Variants in OGT observed in about 807,000 individuals in gnomAD.
OGT encodes O-linked N-acetylglucosamine (GlcNAc) transferase.
Under a neutral mutation model 75.8 loss-of-function variants are expected in OGT, and 3 were observed. That is an observed-to-expected ratio of 0.04 (90% confidence interval 0.02 to 0.10). The LOEUF (loss-of-function observed/expected upper bound fraction) is 0.10. OGT is among the 10% of genes least tolerant of loss of function. The pLI is 1.00. For synonymous variants in OGT, 257 were observed against 289.7 expected (o/e 0.89, Z 1.15); for missense variants, 260 against 824.4 (o/e 0.32, Z 8.38).
chrX:71,548,608 G>A (rs543684365), intron 5 of OGT, among the ~76,000 whole-genome samples: 2 of 111,990 alleles, frequency 1.8e-5, no homozygotes, highest in South Asian at 7.4e-4. Context: ...CATGTCCTTT[G>A]CAGCAACATG....
chrX:71,558,614 C>T (rs1313016678), intron 12 of OGT, among the ~76,000 whole-genome samples: 1 of 109,721 alleles, frequency 9.1e-6, no homozygotes, highest in African/African-American at 3.3e-5. Context: ...GCCTCAGCCT[C>T]CCAAAGTGCT....
At position 71,570,531 on chromosome X, in the gene OGT, TTTC is replaced by T. The variant is rs1289034578; in HGVS notation, c.2966+2423_2966+2425del. Among the ~76,000 whole-genome samples, 5 of 111,910 alleles carry T rather than the reference TTTC, an allele frequency of 4.5e-5. No homozygotes were observed. The East Asian group carries it at 8.4e-4, about 19-fold the overall frequency. On this transcript the variant is annotated intron_variant, in intron 21 of 21. Coordinates refer to ENST00000373719, the MANE Select transcript of OGT (RefSeq NM_181672.3). ...AATAAATCTCTGTGTTGTGCCTTGG[TTTC>T]TTCTTCTGCAAAATGGAGCATAATG...
chrX:71,547,818 C>T, intron 4 of OGT, 89 bp from the exon 5 acceptor site: 3 of 1,095,872 alleles, frequency 2.7e-6, no homozygotes, highest in Non-Finnish European at 3.6e-6. Flanking sequence ...TCCCCCCCTC[C>T]CCCCAATCTT....
intron 12 of OGT, among the ~76,000 whole-genome samples, chrX:71,558,305 A>G (rs1312225420): frequency 9.1e-6 from 1 of 109,303 alleles, no homozygotes; most frequent in Non-Finnish European, 1.9e-5. Context: ...TGAGAATTAG[A>G]GCAGTACTTG....
In OGT at chrX:71,533,164, T is replaced by C; in HGVS notation, c.-136T>C. The stretch of plus-strand genomic sequence containing the variant: ...GTTCCCAGGGTTTGAAGCCTGTAAC[T>C]GCTGCCGCCGCTCAAGCCCTCCAGA... On this transcript the variant is annotated 5_prime_UTR_variant, in exon 1 of 22. Coordinates refer to ENST00000373719, the MANE Select transcript of OGT (RefSeq NM_181672.3). 1 of 589,318 alleles carries C rather than the reference T, an allele frequency of 1.7e-6. No homozygotes were observed. The highest frequency in any genetic ancestry group is 2.6e-5 in the South Asian group (1 of 38,234). The allele number at this position is 589,318 out of a possible 1,213,427, so 48.6% of individuals were successfully genotyped here. A position where few individuals can be genotyped will look rare whatever the true frequency, so the allele number is the denominator to read the frequency against.
rs758178228 is a variant in OGT at position 71,563,466 on chromosome X, A to T, written c.2403A>T (p.Gly801=). The T allele has an allele frequency of 8.3e-7, 1 of 1,205,685 alleles. No individual in the cohort carries two copies. Among genetic ancestry groups the T allele is most frequent in the Non-Finnish European group, 1.1e-6 (1 of 892,012 alleles). ...NRGQIQITIN[G]FSISNGLATT... is the part of the protein sequence containing the mutation. ...GACAGATTCAAATAACAATTAATGG[A>T]TTCAGTATTAGCAATGGACTGGCAA... The change falls in exon 18 of 22, where the codon GGA becomes GGT. Residue 801 remains glycine, a synonymous_variant. Transcript: ENST00000373719.
chrX:71,537,522 C>T (rs895987212), intron 2 of OGT, among the ~76,000 whole-genome samples: 10 of 111,481 alleles, frequency 9.0e-5, no homozygotes, highest in African/African-American at 3.3e-4. Flanking sequence ...AGGCTGGTCT[C>T]GAACACCTGA....
chrX:71,555,805 A>C (rs1441195034), intron 7 of OGT, 149 bp from the exon 8 acceptor site: 1 of 597,870 alleles, frequency 1.7e-6, no homozygotes, highest in Non-Finnish European at 2.6e-6. Flanking sequence ...GGTTTACTTT[A>C]GAGTTTTGGT....
At chrX:71,570,326 A>T (rs1190421002) in intron 21 of OGT, among the ~76,000 whole-genome samples, 13 of 111,829 alleles carry the variant, frequency 1.2e-4, no homozygotes, top group African/African-American at 4.2e-4. Flanking sequence ...GGCATAAGCC[A>T]CCGTGCCTGA....
rs761825011 is a variant in OGT at position 71,557,741 on chromosome X, A to G, written c.1602+69A>G. 3 of 949,276 alleles carry G rather than the reference A, an allele frequency of 3.2e-6. No individual in the cohort carries two copies. In the South Asian group the frequency reaches 7.5e-5, roughly 24 times the overall value. The allele number at this position is 949,276 out of a possible 1,213,427, so 78.2% of individuals were successfully genotyped here. A position where few individuals can be genotyped will look rare whatever the true frequency, so the allele number is the denominator to read the frequency against. On this transcript the variant is annotated intron_variant, in intron 12 of 21. Coordinates refer to ENST00000373719, the MANE Select transcript of OGT (RefSeq NM_181672.3). Reference sequence around the variant, plus strand: ...CAAATACAGAAAACTGTAAAAATCAAATCTGTGGCTTAATGAACGATTATA... The same window carrying G: ...CAAATACAGAAAACTGTAAAAATCAGATCTGTGGCTTAATGAACGATTATA...
chrX:71,536,125 C>T, intron 1 of OGT, 53 bp from the exon 2 acceptor site: 1 of 1,084,295 alleles, frequency 9.2e-7, no homozygotes. Context: ...GTTTACATTT[C>T]TAACTTTTTG....
chrX:71,555,893 C>A, intron 7 of OGT, 61 bp from the exon 8 acceptor site: 1 of 1,139,674 alleles, frequency 8.8e-7, no homozygotes, highest in Non-Finnish European at 1.2e-6. Flanking sequence ...ATTATTAGAA[C>A]AGTATCAGTG....
intron 21 of OGT, among the ~76,000 whole-genome samples, chrX:71,570,306 T>C (rs1449559399): frequency 1.8e-5 from 2 of 111,607 alleles, no homozygotes; most frequent in Admixed American, 9.5e-5. Flanking sequence ...CCCAAAGTGC[T>C]GGGATTACAG....
intron 12 of OGT, among the ~76,000 whole-genome samples, chrX:71,558,558 G>A (rs1205945307): frequency 9.2e-6 from 1 of 108,882 alleles, no homozygotes; most frequent in Non-Finnish European, 1.9e-5. Flanking sequence ...ATAGGGCTTT[G>A]CCATGCTAGG....
At chrX:71,543,774 A>G (rs1268493574) in intron 3 of OGT, among the ~76,000 whole-genome samples, 13,446 of 85,393 alleles carry the variant, frequency 0.16, 1,388 homozygotes, top group East Asian at 0.39. Context: ...GTGTATATAT[A>G]TATATATATA....
intron 4 of OGT, 150 bp from the exon 5 acceptor site, chrX:71,547,757 C>T: frequency 8.9e-7 from 1 of 1,119,308 alleles, no homozygotes; most frequent in Non-Finnish European, 1.2e-6. Flanking sequence ...CGAGCCTATG[C>T]TGCAGGGTCA....
chrX:71,543,557 C>T (rs1428937912), intron 3 of OGT, among the ~76,000 whole-genome samples: 1 of 110,215 alleles, frequency 9.1e-6, no homozygotes, highest in Non-Finnish European at 1.9e-5. Flanking sequence ...GATAATTCTT[C>T]TGCCCGATAG....
At chrX:71,564,534 T>A in intron 18 of OGT, 67 bp from the exon 19 acceptor site, 1 of 855,265 alleles carries the variant, frequency 1.2e-6, no homozygotes, top group South Asian at 2.3e-5. Context: ...CCATTTTGGA[T>A]CTTATGGATT....
chrX:71,559,793 A>G, intron 14 of OGT, 116 bp downstream of exon 14: 1 of 503,441 alleles, frequency 2.0e-6, no homozygotes, highest in South Asian at 4.1e-5. Flanking sequence ...CATATAGGCA[A>G]TTGTGTTGAT....
Sources: gnomAD v4.1 joint callset for allele counts (sites outside exome capture counted in the v4.1 genomes callset) on GRCh38, gnomAD v4.1.1 for gene constraint, MANE v1.5 for transcripts, NCBI Gene and HGNC (gene_info 2026-07-23, HGNC 2026-07-21) for gene names.